The following SLC39A11 variants were observed in gnomAD, a reference collection of about 807,000 sequenced individuals.
SLC39A11 encodes the protein solute carrier family 39 member 11, also known as zinc transporter ZIP11.
SLC39A11 carries 33 observed loss-of-function variants against 36.1 expected under a neutral mutation model. That is an observed-to-expected ratio of 0.91 (90% confidence interval 0.69 to 1.22). SLC39A11 has a LOEUF of 1.22. Among genes scored for constraint, SLC39A11 ranks in the 50% most tolerant of loss-of-function variants. The pLI, the probability that SLC39A11 is intolerant of heterozygous loss-of-function variation, is 0.00. For missense variants in SLC39A11, 432 were observed against 430.3 expected (o/e 1.00, Z -0.03); for synonymous variants, 166 against 170.3 (o/e 0.97, Z 0.20).
chr17:72,802,886 C>G (rs2077138874), intron 6 of SLC39A11, among the ~76,000 whole-genome samples: 1 of 152,276 alleles, frequency 6.6e-6, no homozygotes, highest in East Asian at 1.9e-4. Context: ...AAGTCCCCAT[C>G]GCACACGACT....
chr17:72,955,844 A>T (rs2086221257), intron 4 of SLC39A11, among the ~76,000 whole-genome samples: 1 of 152,200 alleles, frequency 6.6e-6, no homozygotes, highest in Non-Finnish European at 1.5e-5. Flanking sequence ...GGATTGGTGC[A>T]CAGAGGGGAA....
intron 4 of SLC39A11, among the ~76,000 whole-genome samples, chr17:72,979,001 G>A (rs2088081292): frequency 6.6e-6 from 1 of 152,106 alleles, no homozygotes. Flanking sequence ...ACATGGTTAG[G>A]TTTTGTGTCT....
chr17:72,661,650 T>C (rs551782013), intron 7 of SLC39A11, among the ~76,000 whole-genome samples: 15 of 152,164 alleles, frequency 9.9e-5, no homozygotes, highest in Non-Finnish European at 1.9e-4. Flanking sequence ...TTGATGAGCC[T>C]GCAGGTGGGA....
chr17:72,868,682 T>A (rs2080448186), intron 5 of SLC39A11, among the ~76,000 whole-genome samples: 2 of 139,684 alleles, frequency 1.4e-5, no homozygotes, highest in South Asian at 4.7e-4. Context: ...GGGTGGCACA[T>A]GCCACAGGCC....
intron 5 of SLC39A11, among the ~76,000 whole-genome samples, chr17:72,909,462 T>C (rs1180592169): frequency 2.0e-5 from 3 of 152,214 alleles, no homozygotes; most frequent in Admixed American, 6.5e-5. Flanking sequence ...CAACACGCTC[T>C]GGAGAAAGCA....
intron 5 of SLC39A11, among the ~76,000 whole-genome samples, chr17:72,858,167 G>A (rs1234329175): frequency 1.3e-5 from 2 of 152,162 alleles, no homozygotes; most frequent in African/African-American, 4.8e-5. Flanking sequence ...GTGTAAGGAA[G>A]GGATCCAGTT....
chr17:72,888,800 G>A (rs1234719900), intron 5 of SLC39A11, among the ~76,000 whole-genome samples: 1 of 152,122 alleles, frequency 6.6e-6, no homozygotes, highest in African/African-American at 2.4e-5. Context: ...TACTTGGGAG[G>A]CTGAGGAGAG....
At chr17:72,920,387 C>T (rs1439720657) in intron 5 of SLC39A11, among the ~76,000 whole-genome samples, 2 of 151,472 alleles carry the variant, frequency 1.3e-5, no homozygotes, top group African/African-American at 4.9e-5. Flanking sequence ...CTCTTTCTGA[C>T]TCTTCTTGAA....
Position 72,657,420 on chromosome 17 carries a change from A to G in SLC39A11, c.672-8152T>C, listed in dbSNP as rs187200014. Among the ~76,000 whole-genome samples the G allele has an allele frequency of 4.6e-5, 7 of 152,338 alleles. 1 individual carries two copies. The highest frequency in any genetic ancestry group is 3.9e-4 in the Admixed American group (6 of 15,298). On this transcript the variant is annotated intron_variant, in intron 7 of 9. Coordinates refer to ENST00000255559, the MANE Select transcript of SLC39A11 (RefSeq NM_139177.4). ...TAAATAAAAATAAACATCAAGGAGGAGCAGAGATGGAAGAGAGAATGGCAA... is the reference window on the plus strand; with the variant it reads ...TAAATAAAAATAAACATCAAGGAGGGGCAGAGATGGAAGAGAGAATGGCAA...
At chr17:72,921,681 T>G (rs930505090) in intron 5 of SLC39A11, among the ~76,000 whole-genome samples, 1 of 152,202 alleles carries the variant, frequency 6.6e-6, no homozygotes, top group African/African-American at 2.4e-5. Flanking sequence ...GATCGAAATG[T>G]TAGAGGAACG....
rs144002510 is a variant in SLC39A11 at position 72,979,539 on chromosome 17, G to A, written c.307-31664C>T. Among the ~76,000 whole-genome samples the A allele has an allele frequency of 1.9e-4, 29 of 152,300 alleles. 1 individual carries two copies. In the East Asian group the frequency reaches 5.4e-3, roughly 28 times the overall value. On this transcript the variant is annotated intron_variant, in intron 4 of 9. Coordinates refer to ENST00000255559, the MANE Select transcript of SLC39A11 (RefSeq NM_139177.4). ...ACATTCCCAAACATTACTGGTGAAA[G>A]TGTAAATCAGTACAAGCTCAGGAGA... is the stretch of plus-strand genomic sequence containing the variant.
intron 6 of SLC39A11, among the ~76,000 whole-genome samples, chr17:72,782,267 G>A (rs73352998): frequency 0.037 from 5,595 of 149,806 alleles, 318 homozygotes; most frequent in African/African-American, 0.13. Context: ...GAAGCTGGGA[G>A]GGGGCATGGA....
At chr17:73,076,371 A>G (rs1599165736) in intron 3 of SLC39A11, among the ~76,000 whole-genome samples, 1 of 152,232 alleles carries the variant, frequency 6.6e-6, no homozygotes, top group East Asian at 1.9e-4. Context: ...TATTTAAAAT[A>G]CACATGTCCT....
intron 4 of SLC39A11, among the ~76,000 whole-genome samples, chr17:73,028,815 A>AC: frequency 6.6e-6 from 1 of 151,704 alleles, no homozygotes; most frequent in East Asian, 1.9e-4. Flanking sequence ...GGTTTAAAAA[A>AC]AAAAAAAAAA....
At chr17:72,785,809 A>G (rs1598730695) in intron 6 of SLC39A11, among the ~76,000 whole-genome samples, 1 of 152,300 alleles carries the variant, frequency 6.6e-6, no homozygotes, top group Middle Eastern at 3.4e-3. Context: ...TAAGTTAAGT[A>G]TGTATCTCAA....
chr17:72,976,169 C>CAA (rs71154939), intron 4 of SLC39A11, among the ~76,000 whole-genome samples: 93 of 68,280 alleles, frequency 1.4e-3, no homozygotes, highest in South Asian at 2.8e-3. Context: ...GACTCCATCT[C>CAA]AAAAAAAAAA....
intron 4 of SLC39A11, among the ~76,000 whole-genome samples, chr17:72,972,082 A>G (rs2087497928): frequency 6.6e-6 from 1 of 152,266 alleles, no homozygotes; most frequent in Admixed American, 6.5e-5. Context: ...TGGAAGGAAC[A>G]GAGAAGGAGA....
In SLC39A11 at chr17:72,861,666, T is replaced by TA. The variant is rs1555605357; in HGVS notation, c.431-11863dup. ...ATCTATATACAACACATTATATATA[T>TA]ATATATATATATATATATATATAAA... is the stretch of plus-strand genomic sequence containing the variant. On this transcript the variant is annotated intron_variant, in intron 5 of 9. Coordinates refer to ENST00000255559, the MANE Select transcript of SLC39A11 (RefSeq NM_139177.4). 4.7e-5 allele frequency among the ~76,000 whole-genome samples: 5 copies of TA among 107,090 alleles called. 1 individual carries two copies. Among genetic ancestry groups the TA allele is most frequent in the African/African-American group, 2.0e-4 (5 of 25,226 alleles). The allele number at this position is 107,090 out of a possible 152,430, so 70.3% of individuals were successfully genotyped here.
intron 3 of SLC39A11, among the ~76,000 whole-genome samples, chr17:73,060,326 C>A (rs906028295): frequency 1.3e-5 from 2 of 150,356 alleles, no homozygotes; most frequent in Non-Finnish European, 2.9e-5. Flanking sequence ...ATGAAGACTG[C>A]GTTCTACCAA....
Sources: gnomAD v4.1 joint callset for allele counts (sites outside exome capture counted in the v4.1 genomes callset) on GRCh38, gnomAD v4.1.1 for gene constraint, MANE v1.5 for transcripts, NCBI Gene and HGNC (gene_info 2026-07-23, HGNC 2026-07-21) for gene names.